PTGIS: variants seen among roughly 807,000 people sequenced by gnomAD.
PTGIS encodes prostacyclin synthase.
Under a neutral mutation model 50.3 loss-of-function variants are expected in PTGIS, and 45 were observed. That is an observed-to-expected ratio of 0.90 (90% CI 0.70 to 1.15). PTGIS has a LOEUF of 1.15. Ranked by LOEUF, PTGIS falls within the 50% of genes most tolerant of loss-of-function variation. PTGIS has a pLI of 0.00. For missense variants in PTGIS, 668 were observed against 661.3 expected, an observed-to-expected ratio of 1.01 and a Z score of -0.11; for synonymous variants, 260 against 267.7, an observed-to-expected ratio of 0.97 and a Z score of 0.28.
At chr20:49,512,160 G>A (rs1012323999) in intron 8 of PTGIS, among the ~76,000 whole-genome samples, 2 of 151,280 alleles carry the variant, frequency 1.3e-5, no homozygotes, top group Admixed American at 1.3e-4. Flanking sequence ...TTCATGGGTG[G>A]ATGGATGGAT....
intron 2 of PTGIS, 45 bp from the exon 3 acceptor site, chr20:49,548,064 C>G (rs1389980199): frequency 6.3e-7 from 1 of 1,576,688 alleles, no homozygotes; most frequent in East Asian, 2.2e-5. Context: ...TCACTGTGAA[C>G]AGCAGCCGCT....
rs1191980678 is a variant in PTGIS at position 49,507,660 on chromosome 20, G to A, written c.*260C>T. On this transcript the variant is annotated 3_prime_UTR_variant, in exon 10 of 10. Transcript: ENST00000244043. ...GTGGATATCACGAGGTGAGAGTAAC[G>A]AGGTGAATTGGGAGCAGACAAAGCC... is the stretch of plus-strand genomic sequence containing the variant. 2 of 550,044 alleles carry A rather than the reference G, an allele frequency of 3.6e-6. No homozygotes were observed. The highest frequency in any genetic ancestry group is 6.5e-6 in the Non-Finnish European group (2 of 305,802). 34.1% of individuals were successfully genotyped at this position (550,044 alleles called of 1,614,324 possible). A position where few individuals can be genotyped will look rare whatever the true frequency, so the allele number is the denominator to read the frequency against.
chr20:49,553,420 G>A (rs963667883), intron 1 of PTGIS, among the ~76,000 whole-genome samples: 11 of 152,046 alleles, frequency 7.2e-5, no homozygotes, highest in African/African-American at 2.6e-4. Flanking sequence ...GATTAACAGG[G>A]AAATAACTTT....
chr20:49,519,702 G>A (rs1693285268), intron 6 of PTGIS, among the ~76,000 whole-genome samples: 2 of 151,838 alleles, frequency 1.3e-5, no homozygotes, highest in Admixed American at 1.3e-4. Context: ...CATACCCAAA[G>A]CCCAACCCCC....
chr20:49,531,858 T>C (rs1006733326), intron 5 of PTGIS, among the ~76,000 whole-genome samples: 1 of 152,188 alleles, frequency 6.6e-6, no homozygotes, highest in Non-Finnish European at 1.5e-5. Context: ...CTCAAACTCC[T>C]GAACAAAAGT....
rs922165259 is a variant in PTGIS, at chr20:49,552,101, GA to G, written c.75-1913del. Among the ~76,000 whole-genome samples, 76 of 152,168 alleles carry G rather than the reference GA, an allele frequency of 5.0e-4. 1 individual carries two copies. Among genetic ancestry groups the G allele is most frequent in the Non-Finnish European group, 3.7e-4 (25 of 68,000 alleles). On this transcript the variant is annotated intron_variant, in intron 1 of 9. Transcript: ENST00000244043. ...TTATGAAACCCTAAGAGTGTAAAAA[GA>G]CAAGTTCCTCTCAGATCTTAAACTG...
intron 6 of PTGIS, among the ~76,000 whole-genome samples, chr20:49,516,315 C>T (rs1462745958): frequency 1.3e-5 from 2 of 151,774 alleles, no homozygotes; most frequent in African/African-American, 4.8e-5. Context: ...GAAACAGAAG[C>T]CACCCAGGCT....
chr20:49,518,870 T>C lies in PTGIS; in HGVS notation c.856-4475A>G, dbSNP rs147770542. On this transcript the variant is annotated intron_variant, in intron 6 of 9. Transcript: ENST00000244043. The stretch of plus-strand genomic sequence containing the variant: ...GATGATCACTATCTCAGCGGAGCTA[T>C]GTGCAGGCCCAGCAGCTCCCGTGGC... Among the ~76,000 whole-genome samples the C allele has an allele frequency of 6.2e-4, 95 of 152,300 alleles. 3 individuals are homozygous for C. The East Asian group carries it at 0.01, about 16-fold the overall frequency.
chr20:49,549,790 G>A (rs931561370), intron 2 of PTGIS, among the ~76,000 whole-genome samples: 64 of 152,186 alleles, frequency 4.2e-4, no homozygotes, highest in African/African-American at 1.4e-3. Context: ...ATGGAGGTCA[G>A]CTGCATGGAT....
intron 5 of PTGIS, among the ~76,000 whole-genome samples, chr20:49,538,860 T>C (rs1568679074): frequency 6.6e-6 from 1 of 151,858 alleles, no homozygotes. Flanking sequence ...TTTTGTATTT[T>C]TAGTAGAGAT....
At chr20:49,518,606 T>C (rs889110040) in intron 6 of PTGIS, among the ~76,000 whole-genome samples, 1 of 152,004 alleles carries the variant, frequency 6.6e-6, no homozygotes, top group African/African-American at 2.4e-5. Context: ...TGTACTATCT[T>C]TGCAACTCTT....
In PTGIS at chr20:49,550,094, A is replaced by T; in HGVS notation, c.170T>A (p.Met57Lys). Residue 57 changes from methionine (M) to lysine (K), a missense_variant, in exon 2 of 10, where the codon ATG becomes AAG. By Grantham distance (95) the Met-to-Lys change is moderately conservative. Transcript: ENST00000244043. ...AAAGATGTCACCGTGCTTCTCCTTCATCCTCGTGAGGAAGCTGGCAGCATC... is the reference window on the plus strand; with the variant it reads ...AAAGATGTCACCGTGCTTCTCCTTCTTCCTCGTGAGGAAGCTGGCAGCATC... ...GKDAASFLTR[M>K]KEKHGDIFTI... 2 of 1,614,150 alleles carry T rather than the reference A, an allele frequency of 1.2e-6. No homozygotes were observed. Among genetic ancestry groups the T allele is most frequent in the South Asian group, 2.2e-5 (2 of 91,082 alleles).
chr20:49,519,495 C>A (rs1178448720), intron 6 of PTGIS, among the ~76,000 whole-genome samples: 1 of 151,944 alleles, frequency 6.6e-6, no homozygotes, highest in Non-Finnish European at 1.5e-5. Flanking sequence ...ACCTTCCTGG[C>A]CCCTCCTCCT....
At position 49,529,487 on chromosome 20, in the gene PTGIS, A is replaced by G. The variant is rs115765151; in HGVS notation, c.674-5248T>C. Among the ~76,000 whole-genome samples, 753 of 152,324 alleles carry G rather than the reference A, an allele frequency of 4.9e-3. 6 individuals are homozygous for G. Among genetic ancestry groups the G allele is most frequent in the African/African-American group, 0.017 (718 of 41,568 alleles). On this transcript the variant is annotated intron_variant, in intron 5 of 9. Transcript: ENST00000244043. ...CATTCTTTCGTGGATTTACATACAC[A>G]GCAGTCCTGTCTTATCCAGTTTCAC...
At position 49,507,615 on chromosome 20, in the gene PTGIS, G is replaced by A. The variant is rs1366640683; in HGVS notation, c.*305C>T. 2 of 446,832 alleles carry A rather than the reference G, an allele frequency of 4.5e-6. No homozygotes were observed. Among genetic ancestry groups the A allele is most frequent in the African/African-American group, 4.0e-5 (2 of 50,084 alleles). 27.7% of individuals were successfully genotyped at this position (446,832 alleles called of 1,614,324 possible). On this transcript the variant is annotated 3_prime_UTR_variant, in exon 10 of 10. Transcript: ENST00000244043. ...CAGAGCAGTGAAGACTCCTAGTTCT[G>A]CCTTATCTGAATAGCATTTGTGGAT...
At chr20:49,562,334 C>T (rs543927406) in intron 1 of PTGIS, among the ~76,000 whole-genome samples, 2 of 152,332 alleles carry the variant, frequency 1.3e-5, no homozygotes, top group South Asian at 2.1e-4. Flanking sequence ...AGCTCCCCAG[C>T]GAGCCAGGTG....
intron 5 of PTGIS, among the ~76,000 whole-genome samples, chr20:49,534,477 A>G (rs2122869218): frequency 6.6e-6 from 1 of 152,050 alleles, no homozygotes; most frequent in African/African-American, 2.4e-5. Flanking sequence ...GGCTGCTCCC[A>G]GAGTGATGGG....
At chr20:49,517,801 C>G (rs1981527751) in intron 6 of PTGIS, among the ~76,000 whole-genome samples, 1 of 152,194 alleles carries the variant, frequency 6.6e-6, no homozygotes, top group Admixed American at 6.5e-5. Context: ...GCATCCGCTT[C>G]CTTGTCGTTG....
intron 5 of PTGIS, among the ~76,000 whole-genome samples, chr20:49,528,529 A>G (rs1278557131): frequency 2.6e-5 from 4 of 152,164 alleles, no homozygotes; most frequent in Non-Finnish European, 5.9e-5. Context: ...CTGGGGCAGG[A>G]GAATCGCTTG....
Sources: gnomAD v4.1 joint callset for allele counts (sites outside exome capture counted in the v4.1 genomes callset) on GRCh38, gnomAD v4.1.1 for gene constraint, MANE v1.5 for transcripts, NCBI Gene and HGNC (gene_info 2026-07-23, HGNC 2026-07-21) for gene names.